Variants in CLSTN2 observed in about 807,000 individuals in gnomAD.
The protein encoded by CLSTN2 is calsyntenin 2, also known as calsyntenin-2.
CLSTN2 carries 48 observed loss-of-function variants against 101.2 expected under a neutral mutation model. The ratio of observed to expected loss-of-function variants is 0.47; its 90% CI spans 0.38 to 0.60. CLSTN2 has a LOEUF of 0.60. Among genes scored for constraint, CLSTN2 ranks in the 20% least tolerant of loss-of-function variants. CLSTN2 has a pLI of 0.00. For missense variants in CLSTN2, 1,160 were observed against 1,238.2 expected, an observed-to-expected ratio of 0.94 and a Z score of 0.95; for synonymous variants, 481 against 463.6, an observed-to-expected ratio of 1.04 and a Z score of -0.48.
chr3:140,256,229 C>A (rs2086603198), intron 2 of CLSTN2, among the ~76,000 whole-genome samples: 1 of 152,166 alleles, frequency 6.6e-6, no homozygotes, highest in East Asian at 1.9e-4. Flanking sequence ...CCCCTCCTTT[C>A]AAAATGTAGA....
At chr3:140,135,446 G>A (rs2009601787) in intron 1 of CLSTN2, among the ~76,000 whole-genome samples, 1 of 152,040 alleles carries the variant, frequency 6.6e-6, no homozygotes. Context: ...GAATAAAGTT[G>A]ATTCAATATG....
At chr3:140,034,537 A>T (rs1269960239) in intron 1 of CLSTN2, among the ~76,000 whole-genome samples, 2 of 152,300 alleles carry the variant, frequency 1.3e-5, no homozygotes, top group South Asian at 2.1e-4. Context: ...TTCCACATGG[A>T]TGGCACACTT....
chr3:140,260,021 C>T (rs192095739), intron 2 of CLSTN2, among the ~76,000 whole-genome samples: 1 of 151,882 alleles, frequency 6.6e-6, no homozygotes, highest in African/African-American at 2.4e-5. Context: ...TGGTACTATG[C>T]TCACTACCTG....
rs1015293798 is a variant in CLSTN2 at position 140,573,487 on chromosome 3, T to C, written c.*7234T>C. Reference sequence around the variant, plus strand: ...GGCTGCCAGGATTCACCAATTCTCCTTTCCCCTGAGGCCCAGCAACTATTG... The same window carrying C: ...GGCTGCCAGGATTCACCAATTCTCCCTTCCCCTGAGGCCCAGCAACTATTG... On this transcript the variant is annotated 3_prime_UTR_variant, in exon 17 of 17. Transcript: ENST00000458420. 3 of 152,328 alleles carry C rather than the reference T, an allele frequency of 2.0e-5. No homozygotes were observed. In the East Asian group the frequency reaches 5.8e-4, roughly 29 times the overall value. 9.4% of individuals were successfully genotyped at this position (152,328 alleles called of 1,614,324 possible).
intron 1 of CLSTN2, among the ~76,000 whole-genome samples, chr3:140,033,038 G>A (rs966583132): frequency 3.2e-4 from 48 of 152,156 alleles, no homozygotes; most frequent in Admixed American, 6.5e-5. Flanking sequence ...TCACCTTTCT[G>A]AGCTTACTTA....
chr3:140,455,309 A>G (rs1351702835), intron 6 of CLSTN2, among the ~76,000 whole-genome samples: 2 of 152,040 alleles, frequency 1.3e-5, no homozygotes, highest in South Asian at 4.1e-4. Flanking sequence ...CATGTCAGTC[A>G]CTCTTGCCAT....
chr3:140,498,898 G>A (rs1346130523), intron 8 of CLSTN2, among the ~76,000 whole-genome samples: 1 of 151,408 alleles, frequency 6.6e-6, no homozygotes. Flanking sequence ...ATTGTACAAA[G>A]ACAGCATGCC....
At chr3:140,336,071 G>A (rs78563062) in intron 2 of CLSTN2, among the ~76,000 whole-genome samples, 3,157 of 152,240 alleles carry the variant, frequency 0.021, 102 homozygotes, top group African/African-American at 0.07. Flanking sequence ...TGAAGGAGCC[G>A]ATTACTGCTC....
At chr3:140,235,978 G>A (rs1576478052) in intron 2 of CLSTN2, among the ~76,000 whole-genome samples, 1 of 152,104 alleles carries the variant, frequency 6.6e-6, no homozygotes, top group Admixed American at 6.6e-5. Flanking sequence ...GTAGCAGATG[G>A]TGTCAAGAGG....
chr3:140,184,094 T>G (rs998194507), intron 2 of CLSTN2, among the ~76,000 whole-genome samples: 1 of 152,188 alleles, frequency 6.6e-6, no homozygotes, highest in Non-Finnish European at 1.5e-5. Context: ...TGTTAATGAG[T>G]AGGCTGTAGG....
At chr3:140,119,200 G>T (rs1005908461) in intron 1 of CLSTN2, among the ~76,000 whole-genome samples, 3 of 152,186 alleles carry the variant, frequency 2.0e-5, no homozygotes, top group Non-Finnish European at 2.9e-5. Context: ...CTTTCTCCTA[G>T]ATTAGAAGCA....
intron 4 of CLSTN2, among the ~76,000 whole-genome samples, chr3:140,409,904 T>C (rs1376772708): frequency 6.6e-6 from 1 of 151,808 alleles, no homozygotes; most frequent in Non-Finnish European, 1.5e-5. Flanking sequence ...GACTGAATTT[T>C]AAAAATGCAA....
chr3:140,430,300 G>A (rs758443925), intron 5 of CLSTN2, among the ~76,000 whole-genome samples: 17 of 152,148 alleles, frequency 1.1e-4, no homozygotes, highest in Non-Finnish European at 2.9e-5. Context: ...CAGGAGTCAG[G>A]TGTTAAGCTA....
intron 16 of CLSTN2, among the ~76,000 whole-genome samples, chr3:140,565,577 GCATA>G (rs750428462): frequency 1.3e-5 from 2 of 152,178 alleles, no homozygotes; most frequent in South Asian, 4.1e-4. Context: ...TTGAGGGGAA[GCATA>G]CCTGAGTCTT....
intron 2 of CLSTN2, among the ~76,000 whole-genome samples, chr3:140,233,351 A>T (rs934317373): frequency 4.6e-5 from 7 of 152,024 alleles, no homozygotes; most frequent in African/African-American, 1.4e-4. Context: ...TTATCCCCGG[A>T]TTCTGGGCTG....
chr3:140,419,468 G>A (rs1431449176), intron 4 of CLSTN2, among the ~76,000 whole-genome samples: 15 of 110,010 alleles, frequency 1.4e-4, no homozygotes, highest in African/African-American at 5.2e-4. Flanking sequence ...GGGTGACAGA[G>A]CCAGACTCTG....
At chr3:140,104,905 G>A (rs1358661158) in intron 1 of CLSTN2, among the ~76,000 whole-genome samples, 1 of 152,234 alleles carries the variant, frequency 6.6e-6, no homozygotes, top group East Asian at 1.9e-4. Flanking sequence ...TTGAGCTTCA[G>A]AGGCGGAGGT....
intron 2 of CLSTN2, among the ~76,000 whole-genome samples, chr3:140,192,185 G>A (rs549642947): frequency 6.6e-6 from 1 of 151,982 alleles, no homozygotes; most frequent in East Asian, 1.9e-4. Context: ...GGTTCAGAAA[G>A]CATATTTTGT....
chr3:140,224,515 G>T (rs1357126803), intron 2 of CLSTN2, among the ~76,000 whole-genome samples: 7 of 152,146 alleles, frequency 4.6e-5, no homozygotes, highest in Non-Finnish European at 1.0e-4. Flanking sequence ...GTTCATGTGC[G>T]TGCAGGCTTT....
Sources: gnomAD v4.1 joint callset for allele counts (sites outside exome capture counted in the v4.1 genomes callset) on GRCh38, gnomAD v4.1.1 for gene constraint, MANE v1.5 for transcripts, NCBI Gene and HGNC (gene_info 2026-07-23, HGNC 2026-07-21) for gene names.